The following COL4A4 variants were observed in gnomAD, a reference collection of about 807,000 sequenced individuals.
COL4A4 encodes collagen alpha-4(IV) chain.
COL4A4 carries 105 observed loss-of-function variants against 192.9 expected under a neutral mutation model. The ratio of observed to expected loss-of-function variants is 0.54; its 90% CI spans 0.46 to 0.64. The LOEUF (loss-of-function observed/expected upper bound fraction) is 0.64, where lower values mean the gene tolerates loss of function less well. COL4A4 is among the 30% of genes least tolerant of loss of function. The probability of loss-of-function intolerance (pLI) is 0.00; values close to 1 mark genes in which losing one functional copy is unlikely to be tolerated. For synonymous variants in COL4A4, 762 were observed against 769.9 expected (o/e 0.99, Z 0.17); for missense variants, 1,967 against 2,169.3 (o/e 0.91, Z 1.85).
chr2:227,150,568 A>G (rs1400635088), intron 1 of COL4A4, among the ~76,000 whole-genome samples: 1 of 152,222 alleles, frequency 6.6e-6, no homozygotes. Flanking sequence ...GCTGCTAAGA[A>G]GAAATACCTG....
intron 1 of COL4A4, among the ~76,000 whole-genome samples, chr2:227,156,106 C>T (rs887374211): frequency 5.3e-5 from 8 of 151,402 alleles, no homozygotes; most frequent in African/African-American, 1.9e-4. Flanking sequence ...AAGCAATAAA[C>T]ATAAAAACCC....
chr2:227,115,627 C>T (rs2061452556), intron 7 of COL4A4, among the ~76,000 whole-genome samples: 1 of 152,144 alleles, frequency 6.6e-6, no homozygotes, highest in Non-Finnish European at 1.5e-5. Context: ...ATCCTACCAT[C>T]TTTATATATC....
intron 40 of COL4A4, 66 bp from the exon 41 acceptor site, chr2:227,030,664 A>G: frequency 6.8e-6 from 9 of 1,330,620 alleles, no homozygotes; most frequent in African/African-American, 1.5e-5. Flanking sequence ...TGGCTGCTTG[A>G]CAGCTTCCGA....
intron 12 of COL4A4, among the ~76,000 whole-genome samples, chr2:227,106,554 TTTATC>T (rs139635697): frequency 0.57 from 84,833 of 147,988 alleles, 24,219 homozygotes; most frequent in Middle Eastern, 0.67. Flanking sequence ...GCATCAATAT[TTTATC>T]TTATTTTATT....
intron 25 of COL4A4, among the ~76,000 whole-genome samples, chr2:227,076,904 G>T (rs2059053717): frequency 1.3e-5 from 2 of 152,156 alleles, no homozygotes; most frequent in African/African-American, 2.4e-5. Flanking sequence ...TTCATCAGTG[G>T]TCATTAGAGA....
chr2:227,031,884 C>A, intron 40 of COL4A4, 61 bp downstream of exon 40: 1 of 1,233,642 alleles, frequency 8.1e-7, no homozygotes, highest in Non-Finnish European at 1.2e-6. Context: ...CCACATTCCT[C>A]CAGAGCTGGC....
chr2:227,156,144 A>G (rs2064323260), intron 1 of COL4A4, among the ~76,000 whole-genome samples: 2 of 152,100 alleles, frequency 1.3e-5, no homozygotes, highest in African/African-American at 2.4e-5. Context: ...CACACCTGCA[A>G]TCCCAGCACT....
intron 15 of COL4A4, among the ~76,000 whole-genome samples, chr2:227,102,482 C>G (rs1204929647): frequency 1.3e-5 from 2 of 152,170 alleles, no homozygotes; most frequent in Non-Finnish European, 2.9e-5. Flanking sequence ...GTTGTTTCCT[C>G]AAATAGACTT....
At chr2:227,145,762 C>T (rs1483135534) in intron 2 of COL4A4, among the ~76,000 whole-genome samples, 1 of 152,208 alleles carries the variant, frequency 6.6e-6, no homozygotes, top group Non-Finnish European at 1.5e-5. Flanking sequence ...CAGATGTTTA[C>T]AGGGCTGTGG....
chr2:227,072,618 A>G (rs929978477), intron 25 of COL4A4, among the ~76,000 whole-genome samples: 1 of 151,810 alleles, frequency 6.6e-6, no homozygotes, highest in Non-Finnish European at 1.5e-5. Flanking sequence ...CAAACTACAG[A>G]CCAATTTCCT....
intron 25 of COL4A4, among the ~76,000 whole-genome samples, chr2:227,066,126 C>T (rs1036092304): frequency 1.6e-4 from 25 of 151,746 alleles, no homozygotes; most frequent in Admixed American, 1.3e-4. Context: ...AGGGTATCAG[C>T]GATGGAAGAT....
chr2:227,140,230 CT>C lies in COL4A4; in HGVS notation c.122del (p.Lys41ArgfsTer53). ...TTCCTCCACAAGGACCAATGTATTTCTTTCCACTCTGGAAAGTGAAGCATCT... is the reference window on the plus strand; with the variant it reads ...TTCCTCCACAAGGACCAATGTATTTCTTCCACTCTGGAAAGTGAAGCATCT... ...FSVQYVYGSG[K>X]KYIGPCGGRD... On this transcript the variant is annotated frameshift_variant, in exon 4 of 48. Coordinates refer to ENST00000396625, the MANE Select transcript of COL4A4 (RefSeq NM_000092.5). LOFTEE classifies it high-confidence loss of function. 2 of 1,614,078 alleles carry C rather than the reference CT, an allele frequency of 1.2e-6. No individual in the cohort carries two copies. Among genetic ancestry groups the C allele is most frequent in the Non-Finnish European group, 1.7e-6 (2 of 1,179,942 alleles).
At chr2:227,108,312 A>C (rs1283499801) in intron 12 of COL4A4, among the ~76,000 whole-genome samples, 2 of 152,242 alleles carry the variant, frequency 1.3e-5, no homozygotes, top group East Asian at 1.9e-4. Context: ...TACTCTGGAC[A>C]TAATATATTG....
At chr2:227,019,748 A>G (rs1965614194) in intron 44 of COL4A4, among the ~76,000 whole-genome samples, 1 of 152,194 alleles carries the variant, frequency 6.6e-6, no homozygotes, top group Non-Finnish European at 1.5e-5. Flanking sequence ...GCTCACTGCA[A>G]CCTCTGCCTC....
intron 45 of COL4A4, among the ~76,000 whole-genome samples, chr2:227,011,894 T>G (rs1395531052): frequency 7.9e-5 from 12 of 152,166 alleles, no homozygotes; most frequent in Admixed American, 7.2e-4. Flanking sequence ...AAAAGTGAAC[T>G]GCAGAAATGG....
intron 46 of COL4A4, among the ~76,000 whole-genome samples, chr2:227,009,095 T>C (rs1036231339): frequency 6.6e-6 from 1 of 152,206 alleles, no homozygotes; most frequent in African/African-American, 2.4e-5. Context: ...CATCACTTCC[T>C]CCTTTCTCCT....
Position 227,088,732 on chromosome 2 carries a change from C to T in COL4A4, c.1544G>A (p.Gly515Glu). The T allele has an allele frequency of 6.2e-7, 1 of 1,614,100 alleles. No individual in the cohort carries two copies. The highest frequency in any genetic ancestry group is 1.1e-5 in the South Asian group (1 of 91,080). Residue 515 changes from glycine to glutamate, a missense_variant, in exon 22 of 48, where the codon GGA becomes GAA. Transcript: ENST00000396625. ...AAGCCAGCCAGGGAGCCCCAAGTCT[C>T]CCTTACTCCCCTGCCTCCCAGGAAG... ...PGLPGRQGSK[G>E]DLGLPGWLGT... is the part of the protein sequence containing the mutation.
At chr2:226,971,719 TG>T in the COL4A4 span, among the ~76,000 whole-genome samples, 6 of 152,190 alleles carry the variant, frequency 3.9e-5, no homozygotes, top group African/African-American at 1.2e-4. Flanking sequence ...TTGTTTCTTT[TG>T]GTTTGTTTTC....
intron 1 of COL4A4, among the ~76,000 whole-genome samples, chr2:227,161,964 A>G (rs937404213): frequency 1.3e-5 from 2 of 152,094 alleles, no homozygotes; most frequent in South Asian, 2.1e-4. Context: ...AAATTTCACT[A>G]TGTGACTACT....
Sources: allele counts gnomAD v4.1 joint callset (sites outside exome capture counted in the v4.1 genomes callset), GRCh38; gene constraint gnomAD v4.1.1; transcripts MANE v1.5; gene names NCBI Gene and HGNC (gene_info 2026-07-23, HGNC 2026-07-21).